NAV2: variants seen among roughly 807,000 people sequenced by gnomAD.
The protein encoded by NAV2 is helicase, APC down-regulated 1.
Under a neutral mutation model 223.2 loss-of-function variants are expected in NAV2, and 54 were observed. That is an observed-to-expected ratio of 0.24 (90% confidence interval 0.19 to 0.30). NAV2 has a LOEUF of 0.30. NAV2 is among the 10% of genes least tolerant of loss of function. NAV2 has a pLI of 1.00. For missense variants in NAV2, 2,806 were observed against 3,147.5 expected (o/e 0.89, Z 2.60); for synonymous variants, 1,279 against 1,239.3 (o/e 1.03, Z -0.67).
chr11:20,022,468 AT>A, intron 11 of NAV2: 1 of 854,462 alleles, frequency 1.2e-6, no homozygotes. Context: ...CAAAATTGAC[AT>A]CACCGGAAAT....
intron 1 of NAV2, chr11:19,511,545 G>A (rs2043280668): frequency 6.6e-6 from 1 of 152,222 alleles, no homozygotes; most frequent in African/African-American, 2.4e-5. Flanking sequence ...CATCAAAATT[G>A]TAGCAGGGAG....
At chr11:19,533,237 A>T (rs1438543503) in intron 1 of NAV2, among the ~76,000 whole-genome samples, 1 of 152,090 alleles carries the variant, frequency 6.6e-6, no homozygotes, top group Non-Finnish European at 1.5e-5. Flanking sequence ...TTGGAGCTAG[A>T]TATATCTTTG....
At chr11:19,596,433 C>G (rs1015680043) in intron 1 of NAV2, among the ~76,000 whole-genome samples, 1 of 152,212 alleles carries the variant, frequency 6.6e-6, no homozygotes, top group African/African-American at 2.4e-5. Flanking sequence ...AGGTTATACC[C>G]TGTCCCCACA....
intron 1 of NAV2, among the ~76,000 whole-genome samples, chr11:19,461,592 G>T (rs907099626): frequency 6.6e-6 from 1 of 152,162 alleles, no homozygotes; most frequent in African/African-American, 2.4e-5. Context: ...TATTTTACAA[G>T]CATCTCTTCT....
intron 1 of NAV2, among the ~76,000 whole-genome samples, chr11:19,621,592 G>A (rs959260737): frequency 1.3e-5 from 2 of 152,096 alleles, no homozygotes; most frequent in Admixed American, 6.5e-5. Flanking sequence ...CTGTGGGATC[G>A]GTGGTGATAT....
At chr11:19,756,114 C>T (rs758698756) in intron 1 of NAV2, among the ~76,000 whole-genome samples, 6 of 152,132 alleles carry the variant, frequency 3.9e-5, no homozygotes, top group Non-Finnish European at 5.9e-5. Context: ...AGCTCTTGTT[C>T]TATGGGACGG....
intron 1 of NAV2, among the ~76,000 whole-genome samples, chr11:19,822,288 G>T (rs371909380): frequency 2.6e-5 from 4 of 152,192 alleles, no homozygotes; most frequent in Admixed American, 2.6e-4. Context: ...CTTGGAGCAT[G>T]TTTGGAACTA....
intron 3 of NAV2, among the ~76,000 whole-genome samples, chr11:19,860,482 G>A (rs1454614904): frequency 6.6e-6 from 1 of 151,762 alleles, no homozygotes; most frequent in Non-Finnish European, 1.5e-5. Context: ...TGGCAGCCTG[G>A]AAGAGGCGCT....
intron 1 of NAV2, among the ~76,000 whole-genome samples, chr11:19,392,726 G>T (rs767718734): frequency 6.6e-6 from 1 of 152,134 alleles, no homozygotes; most frequent in Non-Finnish European, 1.5e-5. Flanking sequence ...TGATGGGAAG[G>T]GTGGTAAATA....
chr11:20,077,825 G>A (rs554553074), intron 23 of NAV2, among the ~76,000 whole-genome samples, 168 bp from the exon 24 acceptor site: 5 of 152,324 alleles, frequency 3.3e-5, no homozygotes, highest in African/African-American at 1.2e-4. Flanking sequence ...GATAGATCTT[G>A]TAGTTATAAT....
chr11:19,876,587 GA>G (rs561457084), intron 4 of NAV2, among the ~76,000 whole-genome samples: 82 of 152,070 alleles, frequency 5.4e-4, no homozygotes, highest in Admixed American at 1.3e-3. Context: ...TCTGACAAAT[GA>G]AAAAAATGGT....
chr11:19,385,848 G>A (rs577415389), intron 1 of NAV2, among the ~76,000 whole-genome samples: 14 of 145,334 alleles, frequency 9.6e-5, no homozygotes, highest in African/African-American at 1.6e-4. Flanking sequence ...TGCAAGCTCC[G>A]CCTCCTGGGT....
At chr11:19,356,280 G>A (rs1853611346) in intron 1 of NAV2, among the ~76,000 whole-genome samples, 1 of 152,328 alleles carries the variant, frequency 6.6e-6, no homozygotes, top group African/African-American at 2.4e-5. Flanking sequence ...GGTCAGGGGG[G>A]AGGATGGCAA....
At chr11:19,844,191 A>G (rs571431922) in intron 3 of NAV2, among the ~76,000 whole-genome samples, 64 of 152,324 alleles carry the variant, frequency 4.2e-4, no homozygotes, top group African/African-American at 1.5e-3. Context: ...CTAGGGTATT[A>G]ATAATTGAGA....
Position 19,421,764 on chromosome 11 carries a change from C to CTTTTTTTT in NAV2, c.75+70753_75+70760dup, listed in dbSNP as rs373669949. ...CCCATGAAGTGCCTTAAGAGAGAGG[C>CTTTTTTTT]TTTTTTTTTTTTTTTTTTTTTTTGC... On this transcript the variant is annotated intron_variant, in intron 1 of 37. Coordinates refer to the NAV2 transcript ENST00000360655. Among the ~76,000 whole-genome samples, 11 of 84,538 alleles carry CTTTTTTTT rather than the reference C, an allele frequency of 1.3e-4. 1 individual carries two copies. The highest frequency in any genetic ancestry group is 1.8e-4 in the Non-Finnish European group (9 of 48,918). 55.5% of individuals were successfully genotyped at this position (84,538 alleles called of 152,430 possible). A position where few individuals can be genotyped will look rare whatever the true frequency, so the allele number is the denominator to read the frequency against.
intron 3 of NAV2, among the ~76,000 whole-genome samples, chr11:19,860,081 C>T (rs1312970289): frequency 5.8e-5 from 7 of 120,984 alleles, no homozygotes; most frequent in African/African-American, 1.6e-4. Context: ...GGCGGCTGGC[C>T]GGGCAGAGGG....
At chr11:19,618,719 G>A (rs1192625689) in intron 1 of NAV2, among the ~76,000 whole-genome samples, 1 of 152,198 alleles carries the variant, frequency 6.6e-6, no homozygotes, top group Non-Finnish European at 1.5e-5. Flanking sequence ...GGTTGGGGAC[G>A]TGAGGGCTCT....
At chr11:19,496,715 G>A (rs958538571) in intron 1 of NAV2, among the ~76,000 whole-genome samples, 2 of 152,156 alleles carry the variant, frequency 1.3e-5, no homozygotes, top group Non-Finnish European at 2.9e-5. Context: ...GGATCATTGA[G>A]GACTGTCTTA....
intron 10 of NAV2, among the ~76,000 whole-genome samples, chr11:19,969,552 G>T (rs1043798006): frequency 1.3e-5 from 2 of 151,966 alleles, no homozygotes; most frequent in South Asian, 2.1e-4. Flanking sequence ...GCCTGAAACT[G>T]CAGACTGTGC....
Sources: gnomAD v4.1 joint callset for allele counts (sites outside exome capture counted in the v4.1 genomes callset) on GRCh38, gnomAD v4.1.1 for gene constraint, MANE v1.5 for transcripts, NCBI Gene and HGNC (gene_info 2026-07-23, HGNC 2026-07-21) for gene names.